YJU2B: variants seen among roughly 807,000 people sequenced by gnomAD.
YJU2B encodes the protein YJU2 splicing factor homolog B, also known as probable splicing factor YJU2B.
A neutral mutation model predicts 38.0 loss-of-function variants in YJU2B; 18 were observed. That is an observed-to-expected ratio of 0.47 (90% CI 0.33 to 0.70). YJU2B has a LOEUF of 0.70. Among genes scored for constraint, YJU2B ranks in the 30% least tolerant of loss-of-function variants. The pLI is 0.02. For synonymous variants in YJU2B, 246 were observed against 225.4 expected (o/e 1.09, Z -0.82); for missense variants, 538 against 556.3 (o/e 0.97, Z 0.33).
intron 2 of YJU2B, among the ~76,000 whole-genome samples, chr19:13,739,632 G>A (rs1427212033): frequency 6.6e-6 from 1 of 152,078 alleles, no homozygotes; most frequent in Non-Finnish European, 1.5e-5. Context: ...CCACATACCA[G>A]GCCTCCAGCT....
chr19:13,749,652 A>G (rs10424378), intron 1 of YJU2B, among the ~76,000 whole-genome samples: 1,241 of 84,114 alleles, frequency 0.015, 17 homozygotes, highest in African/African-American at 0.052. Context: ...TTTTTTTTTG[A>G]GATGGAGTCT....
intron 6 of YJU2B, 31 bp downstream of exon 6, chr19:13,757,877 A>G (rs1973729384): frequency 1.2e-6 from 2 of 1,600,524 alleles, no homozygotes; most frequent in Admixed American, 1.7e-5. Flanking sequence ...TCTTGGGAAC[A>G]GGTGGGGTGG....
At chr19:13,757,604 G>A in intron 5 of YJU2B, 131 bp downstream of exon 5, 1 of 1,060,500 alleles carries the variant, frequency 9.4e-7, no homozygotes, top group Non-Finnish European at 1.4e-6. Context: ...GTGACTGGCT[G>A]GCCATGGAAG....
intron 2 of YJU2B, among the ~76,000 whole-genome samples, chr19:13,753,164 A>G (rs1053981753): frequency 6.6e-6 from 1 of 152,166 alleles, no homozygotes; most frequent in African/African-American, 2.4e-5. Context: ...TGAGCCCAGC[A>G]CTGTCCTCTA....
At chr19:13,760,811 C>T (rs1452305074) in intron 8 of YJU2B, among the ~76,000 whole-genome samples, 3 of 152,024 alleles carry the variant, frequency 2.0e-5, no homozygotes, top group African/African-American at 7.2e-5. Context: ...TCGCTCGTCG[C>T]CCATGCTGCA....
chr19:13,755,643 C>T (rs113752800), intron 3 of YJU2B, among the ~76,000 whole-genome samples: 2 of 151,980 alleles, frequency 1.3e-5, no homozygotes, highest in African/African-American at 4.8e-5. Context: ...CCCAGGGTCC[C>T]CTGGCTCTTT....
chr19:13,738,941 G>GT (rs1183074770), intron 2 of YJU2B, among the ~76,000 whole-genome samples: 2 of 149,608 alleles, frequency 1.3e-5, no homozygotes, highest in African/African-American at 4.9e-5. Flanking sequence ...GTGGGCACCT[G>GT]TAATCCCAGC....
chr19:13,736,127 A>C (rs1468677153), intron 2 of YJU2B, among the ~76,000 whole-genome samples: 1 of 152,106 alleles, frequency 6.6e-6, no homozygotes, highest in Admixed American at 6.6e-5. Flanking sequence ...GAATATAGGA[A>C]TATCCAAGTA....
intron 4 of YJU2B, among the ~76,000 whole-genome samples, chr19:13,756,608 G>A (rs1973676996): frequency 6.6e-6 from 1 of 152,026 alleles, no homozygotes; most frequent in South Asian, 2.1e-4. Context: ...CTGTACAGCT[G>A]GGCTCTGCTC....
chr19:13,759,992 A>G (rs1382199900), intron 8 of YJU2B, among the ~76,000 whole-genome samples: 1 of 151,986 alleles, frequency 6.6e-6, no homozygotes, highest in Non-Finnish European at 1.5e-5. Flanking sequence ...GGGTTTCTCC[A>G]TGTTGGTCAG....
intron 1 of YJU2B, among the ~76,000 whole-genome samples, chr19:13,748,253 A>C (rs1973325778): frequency 6.6e-6 from 1 of 152,154 alleles, no homozygotes; most frequent in Non-Finnish European, 1.5e-5. Flanking sequence ...ATCTCACCAG[A>C]TTTTATAAAA....
At chr19:13,759,797 ATT>A (rs3059654) in intron 8 of YJU2B, among the ~76,000 whole-genome samples, 6 of 129,830 alleles carry the variant, frequency 4.6e-5, no homozygotes, top group Admixed American at 7.9e-5. Flanking sequence ...CGCCTGGCTA[ATT>A]TTTTTTTTTT....
At chr19:13,741,577 T>TAAAAAAAAAAAAAA (rs36123429) in intron 2 of YJU2B, among the ~76,000 whole-genome samples, 1 of 141,096 alleles carries the variant, frequency 7.1e-6, no homozygotes, top group Non-Finnish European at 1.5e-5. Context: ...TTCTACAAAT[T>TAAAAAAAAAAAAAA]AAAAAAAAAA....
chr19:13,745,908 G>T (rs1324057391), upstream of YJU2B, among the ~76,000 whole-genome samples: 2 of 151,994 alleles, frequency 1.3e-5, no homozygotes, highest in African/African-American at 4.8e-5. Flanking sequence ...CCAATGAACA[G>T]CTCAGCTGTT....
At chr19:13,759,842 G>A (rs2145165255) in intron 8 of YJU2B, among the ~76,000 whole-genome samples, 1 of 143,932 alleles carries the variant, frequency 6.9e-6, no homozygotes, top group Non-Finnish European at 1.5e-5. Context: ...TTATTGCCCA[G>A]GCTGGAGTGC....
chr19:13,758,846 C>T (rs1315048181), intron 6 of YJU2B, 22 bp from the exon 7 acceptor site: 2 of 1,613,548 alleles, frequency 1.2e-6, no homozygotes, highest in Non-Finnish European at 1.7e-6. Flanking sequence ...CCTCCTGACT[C>T]CTGCCCACCG....
intron 4 of YJU2B, 126 bp from the exon 5 acceptor site, chr19:13,757,292 C>T: frequency 1.5e-6 from 1 of 677,228 alleles, no homozygotes; most frequent in Non-Finnish European, 2.7e-6. Flanking sequence ...AGTGCAGCAA[C>T]TCCCGTTAAC....
chr19:13,732,979 G>C (rs1972858187), intron 2 of YJU2B, among the ~76,000 whole-genome samples: 1 of 150,090 alleles, frequency 6.7e-6, no homozygotes, highest in African/African-American at 2.5e-5. Context: ...ACCCAGGCTG[G>C]AGTGCAGTGG....
chr19:13,762,230 C>A, intron 8 of YJU2B, 69 bp from the exon 9 acceptor site: 2 of 1,532,866 alleles, frequency 1.3e-6, no homozygotes, highest in South Asian at 1.2e-5. Flanking sequence ...TGGAGCAGTG[C>A]CCCCTAGTAC....
Sources: allele counts gnomAD v4.1 joint callset (sites outside exome capture counted in the v4.1 genomes callset), GRCh38; gene constraint gnomAD v4.1.1; transcripts MANE v1.5; gene names NCBI Gene and HGNC (gene_info 2026-07-23, HGNC 2026-07-21).